UPP2: variants seen among roughly 807,000 people sequenced by gnomAD.
UPP2 encodes UPase 2.
A neutral mutation model predicts 26.7 loss-of-function variants in UPP2; 23 were observed. The ratio of observed to expected loss-of-function variants is 0.86; its 90% CI spans 0.62 to 1.22. The LOEUF is 1.22. UPP2 is among the 50% of genes most tolerant of loss of function. The pLI, the probability that UPP2 is intolerant of heterozygous loss-of-function variation, is 0.00. For synonymous variants in UPP2, 127 were observed against 141.3 expected, an observed-to-expected ratio of 0.90 and a Z score of 0.72; for missense variants, 387 against 396.7, an observed-to-expected ratio of 0.98 and a Z score of 0.21.
chr2:158,034,030 C>T (rs1192836598), intron 3 of UPP2, among the ~76,000 whole-genome samples: 1 of 152,168 alleles, frequency 6.6e-6, no homozygotes, highest in East Asian at 1.9e-4. Context: ...CATCTCCTGG[C>T]TCTGGCAACC....
intron 3 of UPP2, among the ~76,000 whole-genome samples, chr2:158,061,652 T>TGG (rs1682354043): frequency 6.6e-6 from 1 of 152,242 alleles, no homozygotes; most frequent in African/African-American, 2.4e-5. Flanking sequence ...ACAGACAGTA[T>TGG]CACTGTCTCT....
intron 6 of UPP2, among the ~76,000 whole-genome samples, chr2:158,124,921 C>T (rs1409482880): frequency 1.3e-5 from 2 of 152,068 alleles, no homozygotes; most frequent in Non-Finnish European, 2.9e-5. Context: ...TTAGGTTGGT[C>T]GTTTGCACTG....
At chr2:158,060,937 GC>G (rs1048583304) in intron 3 of UPP2, among the ~76,000 whole-genome samples, 2 of 152,164 alleles carry the variant, frequency 1.3e-5, no homozygotes, top group African/African-American at 4.8e-5. Context: ...CCGGTCTATG[GC>G]ATTTTAGTAT....
intron 3 of UPP2, among the ~76,000 whole-genome samples, chr2:158,033,049 C>T (rs1683947196): frequency 6.6e-6 from 1 of 152,042 alleles, no homozygotes; most frequent in Non-Finnish European, 1.5e-5. Flanking sequence ...TATAATTACC[C>T]CTAGGAGGCC....
chr2:158,107,832 G>C (rs1184542932), intron 2 of UPP2, among the ~76,000 whole-genome samples: 1 of 152,100 alleles, frequency 6.6e-6, no homozygotes, highest in African/African-American at 2.4e-5. Context: ...TCTCCAGGCT[G>C]TGCTCCTTGC....
At chr2:158,130,515 T>A (rs1048260599) in intron 6 of UPP2, among the ~76,000 whole-genome samples, 6 of 151,262 alleles carry the variant, frequency 4.0e-5, no homozygotes, top group Non-Finnish European at 2.9e-5. Context: ...AGTAAAAACA[T>A]TTGCGGTTTG....
At chr2:158,054,293 GAAAC>G (rs1682210293) in intron 3 of UPP2, among the ~76,000 whole-genome samples, 1 of 150,802 alleles carries the variant, frequency 6.6e-6, no homozygotes, top group Non-Finnish European at 1.5e-5. Context: ...TAAAAAGAAA[GAAAC>G]AGTGCAAGAG....
chr2:158,047,341 C>T (rs1353593209), intron 3 of UPP2, among the ~76,000 whole-genome samples: 1 of 152,186 alleles, frequency 6.6e-6, no homozygotes, highest in African/African-American at 2.4e-5. Flanking sequence ...ATGGCAAAGC[C>T]ACATGATGCC....
upstream of UPP2, among the ~76,000 whole-genome samples, chr2:158,100,145 C>G (rs1683050736): frequency 6.6e-6 from 1 of 152,150 alleles, no homozygotes; most frequent in South Asian, 2.1e-4. Flanking sequence ...TTTAAGACTG[C>G]CCAGAAGGCA....
chr2:158,099,474 A>G (rs1323778273), upstream of UPP2, among the ~76,000 whole-genome samples: 3 of 151,648 alleles, frequency 2.0e-5, no homozygotes, highest in Non-Finnish European at 4.4e-5. Flanking sequence ...TGACACCCCT[A>G]CTCCCATAGG....
At chr2:158,071,875 A>G (rs1301823528) in intron 3 of UPP2, among the ~76,000 whole-genome samples, 13 of 152,216 alleles carry the variant, frequency 8.5e-5, no homozygotes, top group Non-Finnish European at 2.9e-5. Context: ...TATGCTGGTT[A>G]CAGGTGAGAC....
chr2:158,119,101 T>C (rs572585538), intron 4 of UPP2, among the ~76,000 whole-genome samples: 8 of 152,182 alleles, frequency 5.3e-5, no homozygotes, highest in African/African-American at 1.7e-4. Context: ...TGGGCATGAA[T>C]TTCAGATAAC....
At position 158,115,142 on chromosome 2, in the gene UPP2, T is replaced by G; in HGVS notation, c.222T>G (p.Phe74Leu). The G allele has an allele frequency of 1.2e-6, 2 of 1,613,268 alleles. No homozygotes were observed. The highest frequency in any genetic ancestry group is 1.7e-6 in the Non-Finnish European group (2 of 1,179,670). ...VGGSPNRMKA[F>L]ALFMHKELGF... ...GGAGCCCCAACAGAATGAAAGCATT[T>G]GCACTGTTTATGCACAAGGAGCTCG... Residue 74 changes from phenylalanine (F) to leucine (L), a missense_variant, in exon 3 of 7, where the codon TTT (phenylalanine) becomes TTG (leucine). Coordinates refer to ENST00000005756, the MANE Select transcript of UPP2 (RefSeq NM_173355.4).
intron 3 of UPP2, among the ~76,000 whole-genome samples, chr2:158,051,779 T>TCAACAA (rs57339979): frequency 0.049 from 7,313 of 150,296 alleles, 302 homozygotes; most frequent in East Asian, 0.14. Context: ...AGACTCCACC[T>TCAACAA]CAACAACAAC....
intron 3 of UPP2, among the ~76,000 whole-genome samples, chr2:158,064,345 A>G (rs1682401169): frequency 7.6e-6 from 1 of 132,432 alleles, no homozygotes; most frequent in Admixed American, 8.3e-5. Context: ...TCTAATGACC[A>G]GTGATGATGA....
chr2:158,024,284 G>A (rs1400923308), intron 3 of UPP2, among the ~76,000 whole-genome samples: 1 of 152,210 alleles, frequency 6.6e-6, no homozygotes. Context: ...GGACCAAAAG[G>A]TTTCTTTCAA....
chr2:158,041,959 A>G (rs1684087763), intron 3 of UPP2, among the ~76,000 whole-genome samples: 1 of 152,206 alleles, frequency 6.6e-6, no homozygotes, highest in Non-Finnish European at 1.5e-5. Flanking sequence ...AAGGAAATCA[A>G]AAAGCCTATC....
intron 6 of UPP2, among the ~76,000 whole-genome samples, chr2:158,131,915 T>C (rs1250644648): frequency 6.6e-6 from 1 of 152,246 alleles, no homozygotes; most frequent in Non-Finnish European, 1.5e-5. Flanking sequence ...TGTTCTTTTC[T>C]ATCTTTGGCA....
At chr2:158,124,037 C>T in intron 6 of UPP2, 142 bp downstream of exon 6, 1 of 861,576 alleles carries the variant, frequency 1.2e-6, no homozygotes, top group Non-Finnish European at 1.7e-6. Context: ...TATACATTAT[C>T]TCATAATATC....
Sources: allele counts gnomAD v4.1 joint callset (sites outside exome capture counted in the v4.1 genomes callset), GRCh38; gene constraint gnomAD v4.1.1; transcripts MANE v1.5; gene names NCBI Gene and HGNC (gene_info 2026-07-23, HGNC 2026-07-21).